RIT2: variants seen among roughly 807,000 people sequenced by gnomAD.
The protein encoded by RIT2 is GTP-binding protein Rit2.
A neutral mutation model predicts 23.7 loss-of-function variants in RIT2; 24 were observed. The observed-to-expected ratio is 1.01, with a 90% CI of 0.73 to 1.43. The LOEUF (loss-of-function observed/expected upper bound fraction) is 1.43. Among genes scored for constraint, RIT2 ranks in the 40% most tolerant of loss-of-function variants. The pLI is 0.00. For synonymous variants in RIT2, 107 were observed against 91.1 expected, an observed-to-expected ratio of 1.17 and a Z score of -0.99; for missense variants, 236 against 266.9, an observed-to-expected ratio of 0.88 and a Z score of 0.81.
At chr18:42,805,445 A>T (rs1487032778) in intron 4 of RIT2, among the ~76,000 whole-genome samples, 1 of 152,158 alleles carries the variant, frequency 6.6e-6, no homozygotes, top group Non-Finnish European at 1.5e-5. Flanking sequence ...GTGATTATGG[A>T]TATTCTTTTT....
chr18:42,825,708 T>C (rs1033486347), intron 4 of RIT2, among the ~76,000 whole-genome samples: 1 of 151,920 alleles, frequency 6.6e-6, no homozygotes, highest in African/African-American at 2.4e-5. Context: ...TTTATGTATG[T>C]ATGTATATTA....
At chr18:42,857,011 G>A (rs1907203506) in intron 4 of RIT2, among the ~76,000 whole-genome samples, 1 of 151,770 alleles carries the variant, frequency 6.6e-6, no homozygotes, top group Non-Finnish European at 1.5e-5. Flanking sequence ...TGTATTTTTA[G>A]TAGAGACGGG....
intron 1 of RIT2, among the ~76,000 whole-genome samples, chr18:43,095,537 A>G (rs1290905661): frequency 1.3e-5 from 2 of 152,038 alleles, no homozygotes; most frequent in African/African-American, 4.8e-5. Context: ...AAACATAGAC[A>G]AGTACACAAA....
intron 4 of RIT2, among the ~76,000 whole-genome samples, chr18:42,897,631 CG>C (rs1568024584): frequency 6.6e-6 from 1 of 151,296 alleles, no homozygotes; most frequent in Admixed American, 6.6e-5. Context: ...AGTTTCATGG[CG>C]GATGTAGTTA....
chr18:42,770,233 C>T (rs1372086388), intron 4 of RIT2, among the ~76,000 whole-genome samples: 1 of 152,144 alleles, frequency 6.6e-6, no homozygotes, highest in African/African-American at 2.4e-5. Context: ...ATAGTTTGGA[C>T]CAGTGTCAAT....
At chr18:42,944,303 T>C (rs921341896) in intron 3 of RIT2, among the ~76,000 whole-genome samples, 1 of 152,124 alleles carries the variant, frequency 6.6e-6, no homozygotes, top group African/African-American at 2.4e-5. Context: ...GTTTACTTTT[T>C]CATTATAGTA....
chr18:43,053,032 C>T (rs1232572533), intron 1 of RIT2, among the ~76,000 whole-genome samples: 1 of 152,012 alleles, frequency 6.6e-6, no homozygotes, highest in Non-Finnish European at 1.5e-5. Flanking sequence ...TAACAGGAAA[C>T]ACTATTTGAA....
chr18:42,814,368 C>G (rs1450150237), intron 4 of RIT2, among the ~76,000 whole-genome samples: 4 of 152,128 alleles, frequency 2.6e-5, no homozygotes, highest in Non-Finnish European at 4.4e-5. Context: ...AGACTCGGTG[C>G]TATTGGTGGG....
intron 1 of RIT2, among the ~76,000 whole-genome samples, chr18:43,110,805 G>T (rs1913934597): frequency 6.6e-6 from 1 of 151,886 alleles, no homozygotes; most frequent in Non-Finnish European, 1.5e-5. Flanking sequence ...TATGTGTGTT[G>T]TTTCTTAAGT....
intron 1 of RIT2, among the ~76,000 whole-genome samples, chr18:43,111,711 T>C (rs1268999703): frequency 6.6e-6 from 1 of 152,190 alleles, no homozygotes; most frequent in African/African-American, 2.4e-5. Context: ...CCTAAATGTC[T>C]GCTACTTTGT....
At chr18:42,970,884 T>A (rs774084251) in intron 3 of RIT2, among the ~76,000 whole-genome samples, 1 of 152,002 alleles carries the variant, frequency 6.6e-6, no homozygotes, top group Non-Finnish European at 1.5e-5. Flanking sequence ...ATTATGCTTA[T>A]CTATTGTTAA....
chr18:43,087,260 TAAA>T (rs1176370569), intron 1 of RIT2, among the ~76,000 whole-genome samples: 5 of 151,294 alleles, frequency 3.3e-5, no homozygotes, highest in African/African-American at 1.2e-4. Flanking sequence ...TAAAATAAAA[TAAA>T]AAAGTAAAGA....
At chr18:42,788,948 A>G (rs1478811537) in intron 4 of RIT2, among the ~76,000 whole-genome samples, 1 of 152,242 alleles carries the variant, frequency 6.6e-6, no homozygotes, top group African/African-American at 2.4e-5. Context: ...TTCTTCATAC[A>G]GAATATTATA....
intron 1 of RIT2, among the ~76,000 whole-genome samples, chr18:43,043,717 G>A (rs767941679): frequency 6.6e-6 from 1 of 152,098 alleles, no homozygotes; most frequent in South Asian, 2.1e-4. Flanking sequence ...TTCAATCAGG[G>A]AGGTGGAGGT....
At chr18:42,828,003 CAAA>C (rs200737336) in intron 4 of RIT2, among the ~76,000 whole-genome samples, 7,811 of 50,206 alleles carry the variant, frequency 0.16, 79 homozygotes, top group Non-Finnish European at 0.21. Context: ...GACTCCGTCT[CAAA>C]AAAAAAAAAA....
At chr18:42,859,300 A>C (rs1364421816) in intron 4 of RIT2, among the ~76,000 whole-genome samples, 6 of 152,204 alleles carry the variant, frequency 3.9e-5, no homozygotes, top group Admixed American at 3.3e-4. Context: ...CTCAATGACT[A>C]ATAATGTTAA....
chr18:43,102,262 C>A (rs569929012), intron 1 of RIT2, among the ~76,000 whole-genome samples: 13 of 152,298 alleles, frequency 8.5e-5, no homozygotes, highest in South Asian at 2.1e-4. Flanking sequence ...GTTGCAACTA[C>A]AATCTACCTC....
intron 3 of RIT2, among the ~76,000 whole-genome samples, chr18:42,931,105 C>A (rs1326078645): frequency 6.6e-6 from 1 of 152,166 alleles, no homozygotes; most frequent in South Asian, 2.1e-4. Flanking sequence ...TCTAACCTAC[C>A]TGAGCATCAT....
intron 1 of RIT2, among the ~76,000 whole-genome samples, chr18:43,112,327 C>CT (rs1167544698): frequency 6.6e-6 from 1 of 152,162 alleles, no homozygotes; most frequent in Admixed American, 6.5e-5. Flanking sequence ...AATACCGACT[C>CT]TGACTGTGGT....
Sources: gnomAD v4.1 joint callset for allele counts (sites outside exome capture counted in the v4.1 genomes callset) on GRCh38, gnomAD v4.1.1 for gene constraint, MANE v1.5 for transcripts, NCBI Gene and HGNC (gene_info 2026-07-23, HGNC 2026-07-21) for gene names.